The following SOX5 variants were observed in gnomAD, a reference collection of about 807,000 sequenced individuals.
SOX5 encodes the protein SRY-box transcription factor 5.
In SOX5, 9 loss-of-function variants were observed where a neutral mutation model predicts 92.0. The observed-to-expected ratio is 0.10, with a 90% confidence interval of 0.06 to 0.17. SOX5 has a LOEUF of 0.17. SOX5 is among the 10% of genes least tolerant of loss of function. SOX5 has a pLI of 1.00. For synonymous variants in SOX5, 344 were observed against 336.3 expected, an observed-to-expected ratio of 1.02 and a Z score of -0.25; for missense variants, 642 against 944.5, an observed-to-expected ratio of 0.68 and a Z score of 4.20.
intron 1 of SOX5, among the ~76,000 whole-genome samples, chr12:23,896,931 G>A (rs903696828): frequency 1.4e-4 from 21 of 152,146 alleles, no homozygotes; most frequent in African/African-American, 4.3e-4. Context: ...TTCTTTGTAC[G>A]TGAGTCTGAT....
intron 4 of SOX5, among the ~76,000 whole-genome samples, chr12:24,095,734 G>A (rs1309823735): frequency 6.6e-6 from 1 of 152,102 alleles, no homozygotes; most frequent in Non-Finnish European, 1.5e-5. Context: ...CATGGGGCTT[G>A]CTTCCCCCAT....
intron 4 of SOX5, among the ~76,000 whole-genome samples, chr12:24,097,269 C>T (rs1428436749): frequency 6.6e-6 from 1 of 152,118 alleles, no homozygotes; most frequent in Non-Finnish European, 1.5e-5. Context: ...TATTTAATAA[C>T]AGTAGACTTA....
intron 4 of SOX5, among the ~76,000 whole-genome samples, chr12:24,141,922 G>C (rs1239181069): frequency 6.6e-6 from 1 of 151,984 alleles, no homozygotes; most frequent in East Asian, 1.9e-4. Flanking sequence ...GATGGTCTCT[G>C]TGAATGGGAA....
intron 4 of SOX5, among the ~76,000 whole-genome samples, chr12:23,960,534 T>A (rs938538510): frequency 6.9e-6 from 1 of 144,560 alleles, no homozygotes; most frequent in Non-Finnish European, 1.5e-5. Context: ...TATATACATA[T>A]ATATATATAT....
intron 2 of SOX5, among the ~76,000 whole-genome samples, chr12:24,360,598 T>C (rs1362109788): frequency 1.3e-5 from 2 of 152,214 alleles, no homozygotes; most frequent in African/African-American, 4.8e-5. Flanking sequence ...TTCTGACCTA[T>C]GCAGCCTCGA....
chr12:24,241,776 C>T (rs1202429952), intron 3 of SOX5, among the ~76,000 whole-genome samples: 2 of 151,996 alleles, frequency 1.3e-5, no homozygotes, highest in Non-Finnish European at 2.9e-5. Flanking sequence ...TGTAGAATAT[C>T]GATATTCTGG....
chr12:24,275,792 T>C (rs1185295747), intron 3 of SOX5, among the ~76,000 whole-genome samples: 1 of 152,146 alleles, frequency 6.6e-6, no homozygotes, highest in East Asian at 1.9e-4. Context: ...AGTGGCCAAA[T>C]TCCTTCCTGG....
chr12:24,022,267 G>C (rs941861844), intron 4 of SOX5, among the ~76,000 whole-genome samples: 1 of 152,122 alleles, frequency 6.6e-6, no homozygotes, highest in African/African-American at 2.4e-5. Context: ...AATACAAGTT[G>C]AACTTGATGA....
chr12:23,953,425 T>C (rs1444059537), upstream of SOX5, among the ~76,000 whole-genome samples: 1 of 152,078 alleles, frequency 6.6e-6, no homozygotes, highest in Non-Finnish European at 1.5e-5. Context: ...CTATAGATAT[T>C]CTTTACATCA....
At chr12:24,490,199 A>G (rs950616463) in intron 1 of SOX5, among the ~76,000 whole-genome samples, 2 of 152,224 alleles carry the variant, frequency 1.3e-5, no homozygotes, top group Non-Finnish European at 2.9e-5. Flanking sequence ...TTTTGGTTAC[A>G]TAGTCTGTCA....
intron 4 of SOX5, among the ~76,000 whole-genome samples, chr12:24,078,913 AT>A (rs1263270258): frequency 1.3e-5 from 2 of 151,992 alleles, no homozygotes; most frequent in African/African-American, 2.4e-5. Flanking sequence ...TCATTATAGA[AT>A]TTTTTAATAG....
intron 1 of SOX5, among the ~76,000 whole-genome samples, chr12:24,399,667 T>C (rs1460837377): frequency 1.3e-5 from 2 of 152,216 alleles, no homozygotes; most frequent in African/African-American, 4.8e-5. Flanking sequence ...CTGGTTATTT[T>C]GAATTGCCAG....
upstream of SOX5, among the ~76,000 whole-genome samples, chr12:23,951,518 C>T (rs540573676): frequency 1.8e-3 from 277 of 151,964 alleles, no homozygotes; most frequent in African/African-American, 6.5e-3. Flanking sequence ...TACACATATT[C>T]CAAAGAGAAA....
At chr12:23,876,839 T>C (rs1320803448) in intron 2 of SOX5, among the ~76,000 whole-genome samples, 1 of 152,176 alleles carries the variant, frequency 6.6e-6, no homozygotes, top group Non-Finnish European at 1.5e-5. Context: ...TTCACGTCCT[T>C]TGCAGGGAAA....
chr12:24,005,404 G>A (rs1002215493), intron 4 of SOX5, among the ~76,000 whole-genome samples: 1 of 152,060 alleles, frequency 6.6e-6, no homozygotes, highest in Admixed American at 6.6e-5. Context: ...TGGTAAAAAT[G>A]CAGTCCTTTT....
chr12:24,306,421 T>C (rs190012591), intron 2 of SOX5, among the ~76,000 whole-genome samples: 8 of 152,318 alleles, frequency 5.3e-5, no homozygotes, highest in African/African-American at 1.4e-4. Context: ...CATGCAAAGA[T>C]TGTTATTTCC....
intron 4 of SOX5, among the ~76,000 whole-genome samples, chr12:24,077,092 C>T (rs530722651): frequency 6.6e-6 from 1 of 152,182 alleles, no homozygotes; most frequent in African/African-American, 2.4e-5. Flanking sequence ...CTAAATAATT[C>T]ACTTTTGCAG....
At chr12:24,104,737 G>C (rs1946483015) in intron 4 of SOX5, among the ~76,000 whole-genome samples, 1 of 152,192 alleles carries the variant, frequency 6.6e-6, no homozygotes, top group Non-Finnish European at 1.5e-5. Flanking sequence ...TCTGCCAAAG[G>C]GCATTTTTGC....
At chr12:24,054,230 T>G (rs1957877028) in intron 4 of SOX5, among the ~76,000 whole-genome samples, 1 of 152,186 alleles carries the variant, frequency 6.6e-6, no homozygotes. Flanking sequence ...TAAGAGCGAT[T>G]AAAGTAAAAG....
Sources: allele counts gnomAD v4.1 joint callset (sites outside exome capture counted in the v4.1 genomes callset), GRCh38; gene constraint gnomAD v4.1.1; transcripts MANE v1.5; gene names NCBI Gene and HGNC (gene_info 2026-07-23, HGNC 2026-07-21).